Variants in ATF4 observed in about 807,000 individuals in gnomAD.
The protein encoded by ATF4 is activating transcription factor 4.
Under a neutral mutation model 21.0 loss-of-function variants are expected in ATF4, and 8 were observed. The observed-to-expected ratio is 0.38, with a 90% CI of 0.22 to 0.69. ATF4 has a LOEUF of 0.69. ATF4 is among the 30% of genes least tolerant of loss of function. ATF4 has a pLI of 0.49. For synonymous variants in ATF4, 241 were observed against 166.4 expected (o/e 1.45, Z -3.45); for missense variants, 549 against 425.9 (o/e 1.29, Z -2.54).
Position 39,521,395 on chromosome 22 carries a change from A to C in ATF4, c.-51A>C, listed in dbSNP as rs751836565. 2.0e-6 allele frequency: 3 copies of C among 1,476,974 alleles called. No homozygotes were observed. The South Asian group carries it at 4.1e-5, about 20-fold the overall frequency. The allele number at this position is 1,476,974 out of a possible 1,614,324, so 91.5% of individuals were successfully genotyped here. ...AGCAGCAGCGTTGCTGTAACCGACA[A>C]AGACACCTTCGAATTAAGCACATTC... On this transcript the variant is annotated 5_prime_UTR_variant, in exon 2 of 3. Transcript: ENST00000674920.
Position 39,522,203 on chromosome 22 carries a change from T to G in ATF4, c.657T>G (p.Ser219Arg). The change falls in exon 3 of 3, where the codon AGT becomes AGG. Residue 219 changes from serine (S) to arginine (R), a missense_variant. Coordinates refer to ENST00000674920, the MANE Select transcript of ATF4 (RefSeq NM_182810.3). The part of the protein sequence containing the change: ...KEEDTPSDND[S>R]GICMSPESYL... ...AAGACACCCCTTCAGATAATGATAGTGGCATCTGTATGAGCCCAGAGTCCT... is the reference window on the plus strand; with the variant it reads ...AAGACACCCCTTCAGATAATGATAGGGGCATCTGTATGAGCCCAGAGTCCT... The G allele has an allele frequency of 6.2e-7, 1 of 1,611,016 alleles. No homozygotes were observed. The highest frequency in any genetic ancestry group is 8.5e-7 in the Non-Finnish European group (1 of 1,178,028).
chr22:39,522,333 C>A lies in ATF4; in HGVS notation c.787C>A (p.Pro263Thr). 2 of 1,612,670 alleles carry A rather than the reference C, an allele frequency of 1.2e-6. No individual in the cohort carries two copies. Among genetic ancestry groups the A allele is most frequent in the Non-Finnish European group, 1.7e-6 (2 of 1,179,398 alleles). ...CGSARPKPYD[P>T]PGEKMVAAKV... is the part of the protein sequence containing the mutation. ...GTCTGCCCGTCCCAAACCTTACGAT[C>A]CTCCTGGAGAGAAGATGGTAGCAGC... is the stretch of plus-strand genomic sequence containing the variant. Residue 263 changes from proline (P) to threonine (T), a missense_variant, in exon 3 of 3, where the codon CCT becomes ACT. Transcript: ENST00000674920.
In ATF4 at chr22:39,522,311, T is replaced by A; in HGVS notation, c.765T>A (p.Ser255=). Residue 255 remains serine, a synonymous_variant, in exon 3 of 3, where the codon TCT becomes TCA. Transcript: ENST00000674920. Reference sequence around the variant, plus strand: ...CATCTCCAGGTGTTCTCTGTGGGTCTGCCCGTCCCAAACCTTACGATCCTC... The same window carrying A: ...CATCTCCAGGTGTTCTCTGTGGGTCAGCCCGTCCCAAACCTTACGATCCTC... ...SLPSPGVLCG[S]ARPKPYDPPG... The A allele has an allele frequency of 6.2e-7, 1 of 1,612,420 alleles. No homozygotes were observed. Among genetic ancestry groups the A allele is most frequent in the Non-Finnish European group, 8.5e-7 (1 of 1,179,314 alleles).
In ATF4 at chr22:39,522,585, A is replaced by G. The variant is rs760557862; in HGVS notation, c.1039A>G (p.Lys347Glu). 7 of 1,537,326 alleles carry G rather than the reference A, an allele frequency of 4.6e-6. No individual in the cohort carries two copies. The highest frequency in any genetic ancestry group is 5.2e-6 in the Non-Finnish European group (6 of 1,147,272). ...AGAAGAGGTCCGCAAGGCAAGGGGG[A>G]AGAAAAGGGTCCCCTAGTTGAGGAT... ...LIEEVRKARG[K>E]KRVP The change falls in exon 3 of 3, where the codon AAG becomes GAG. Residue 347 changes from lysine to glutamate, a missense_variant. By Grantham distance (56) the Lys-to-Glu change is moderately conservative. Coordinates refer to ENST00000674920, the MANE Select transcript of ATF4 (RefSeq NM_182810.3).
chr22:39,522,272 A>C lies in ATF4; in HGVS notation c.726A>C (p.Pro242=). 12 of 1,607,208 alleles carry C rather than the reference A, an allele frequency of 7.5e-6. No individual in the cohort carries two copies. Among genetic ancestry groups the C allele is most frequent in the Non-Finnish European group, 1.0e-5 (12 of 1,177,208 alleles). Residue 242 remains proline (P), a synonymous_variant, in exon 3 of 3, where the codon CCA becomes CCC. Transcript: ENST00000674920. ...PQHSPSTRGS[P]NRSLPSPGVL... ...ACAGCCCCTCTACCAGGGGCTCTCC[A>C]AATAGGAGCCTCCCATCTCCAGGTG...
rs1172205518 is a variant in ATF4 at position 39,522,536 on chromosome 22, G to T, written c.990G>T (p.Glu330Asp). 3 of 1,594,152 alleles carry T rather than the reference G, an allele frequency of 1.9e-6. No homozygotes were observed. The highest frequency in any genetic ancestry group is 2.6e-6 in the Non-Finnish European group (3 of 1,172,264). The change falls in exon 3 of 3, where the codon GAG becomes GAT. Residue 330 changes from glutamate to aspartate, a missense_variant. Glu to Asp is a conservative substitution (Grantham distance 45, BLOSUM62 2). Coordinates refer to ENST00000674920, the MANE Select transcript of ATF4 (RefSeq NM_182810.3). ...LKERADSLAK[E>D]IQYLKDLIEE... ...AGAGGGCGGATTCCCTGGCCAAGGA[G>T]ATCCAGTACCTGAAAGATTTGATAG...
chr22:39,521,158 C>A (rs530191722), intron 1 of ATF4, 196 bp from the exon 2 acceptor site: 1 of 219,198 alleles, frequency 4.6e-6, no homozygotes, highest in South Asian at 1.4e-4. Flanking sequence ...TCTTGGCGGC[C>A]GGTGGAAGAA....
rs1429272758 is a variant in ATF4, at chr22:39,522,433, G to A, written c.887G>A (p.Arg296His). 1.2e-6 allele frequency: 2 copies of A among 1,613,638 alleles called. No homozygotes were observed. Among genetic ancestry groups the A allele is most frequent in the Non-Finnish European group, 1.7e-6 (2 of 1,179,708 alleles). The change falls in exon 3 of 3, where the codon CGC becomes CAC. Residue 296 changes from arginine (R) to histidine (H), a missense_variant. Transcript: ENST00000674920. ...AACAAGACAGCAGCCACTAGGTACCGCCAGAAGAAGAGGGCGGAGCAGGAG... is the reference window on the plus strand; with the variant it reads ...AACAAGACAGCAGCCACTAGGTACCACCAGAAGAAGAGGGCGGAGCAGGAG... ...EQNKTAATRY[R>H]QKKRAEQEAL... is the part of the protein sequence containing the mutation.
At position 39,521,597 on chromosome 22, in the gene ATF4, G is replaced by C; in HGVS notation, c.152G>C (p.Ser51Thr). ...AKHFKPHGFS[S>T]DKAKAGSSEW... ...CACTTCAAACCTCATGGGTTCTCCA[G>C]CGACAAGGCTAAGGCGGGCTCCTCC... is the stretch of plus-strand genomic sequence containing the variant. Residue 51 changes from serine (S) to threonine (T), a missense_variant, in exon 2 of 3, where the codon AGC becomes ACC. Transcript: ENST00000674920. 1 of 1,614,162 alleles carries C rather than the reference G, an allele frequency of 6.2e-7. No homozygotes were observed. The highest frequency in any genetic ancestry group is 2.2e-5 in the East Asian group (1 of 44,886).
intron 2 of ATF4, 46 bp from the exon 3 acceptor site, chr22:39,521,727 C>A: frequency 6.2e-7 from 1 of 1,609,576 alleles, no homozygotes; most frequent in South Asian, 1.1e-5. Flanking sequence ...GGGCCTCCTA[C>A]CTTTGTATCT....
At position 39,522,036 on chromosome 22, in the gene ATF4, C is replaced by A. The variant is rs757892971; in HGVS notation, c.490C>A (p.Pro164Thr). ...VAPFTFLQPL[P>T]LSPGVLSSTP... Reference sequence around the variant, plus strand: ...CCCCTTCACCTTCTTACAACCTCTTCCCCTTTCCCCAGGGGTCCTGTCCTC... The same window carrying A: ...CCCCTTCACCTTCTTACAACCTCTTACCCTTTCCCCAGGGGTCCTGTCCTC... The change falls in exon 3 of 3, where the codon CCC becomes ACC. Residue 164 changes from proline (P) to threonine (T), a missense_variant. Physicochemically the swap from Pro to Thr is conservative, Grantham distance 38. Transcript: ENST00000674920. The A allele has an allele frequency of 6.2e-7, 1 of 1,613,918 alleles. No homozygotes were observed. The highest frequency in any genetic ancestry group is 8.5e-7 in the Non-Finnish European group (1 of 1,179,848).
At position 39,521,428 on chromosome 22, in the gene ATF4, C is replaced by G. The variant is rs746700301; in HGVS notation, c.-18C>G. 2.0e-6 allele frequency: 3 copies of G among 1,519,046 alleles called. No homozygotes were observed. The Admixed American group carries it at 6.6e-5, about 33-fold the overall frequency. The allele number at this position is 1,519,046 out of a possible 1,614,324, so 94.1% of individuals were successfully genotyped here. Reference sequence around the variant, plus strand: ...TTCGAATTAAGCACATTCCTCGATTCCAGCAAAGCACCGCAACATGACCGA... The same window carrying G: ...TTCGAATTAAGCACATTCCTCGATTGCAGCAAAGCACCGCAACATGACCGA... On this transcript the variant is annotated 5_prime_UTR_variant, in exon 2 of 3. Coordinates refer to ENST00000674920, the MANE Select transcript of ATF4 (RefSeq NM_182810.3).
At chr22:39,521,326 T>G in intron 1 of ATF4, 28 bp from the exon 2 acceptor site, 5 of 813,904 alleles carry the variant, frequency 6.1e-6, no homozygotes, top group Non-Finnish European at 9.8e-6. Flanking sequence ...TAACCTCTAA[T>G]GGGAGTTGGC....
At position 39,521,832 on chromosome 22, in the gene ATF4, T is replaced by G. The variant is rs766100228; in HGVS notation, c.286T>G (p.Leu96Val). The G allele has an allele frequency of 1.9e-6, 3 of 1,614,180 alleles. No homozygotes were observed. Among genetic ancestry groups the G allele is most frequent in the Non-Finnish European group, 2.5e-6 (3 of 1,180,012 alleles). The change falls in exon 3 of 3, where the codon TTG (leucine) becomes GTG (valine). Residue 96 changes from leucine (L) to valine (V), a missense_variant. Coordinates refer to ENST00000674920, the MANE Select transcript of ATF4 (RefSeq NM_182810.3). Reference sequence around the variant, plus strand: ...GAAAATGGATTTGAAGGAGTTCGACTTGGATGCCCTGTTGGGTATAGATGA... The same window carrying G: ...GAAAATGGATTTGAAGGAGTTCGACGTGGATGCCCTGTTGGGTATAGATGA... Reference protein sequence around the residue: ...LEKMDLKEFDLDALLGIDDLE... With the variant: ...LEKMDLKEFDVDALLGIDDLE...
rs779098982 is a variant in ATF4 at position 39,522,477 on chromosome 22, A to G, written c.931A>G (p.Lys311Glu). 4 of 1,613,258 alleles carry G rather than the reference A, an allele frequency of 2.5e-6. No homozygotes were observed. Among genetic ancestry groups the G allele is most frequent in the Non-Finnish European group, 3.4e-6 (4 of 1,179,726 alleles). Reference protein sequence around the residue: ...AEQEALTGECKELEKKNEALK... With the variant: ...AEQEALTGECEELEKKNEALK... ...GCAGGAGGCTCTTACTGGTGAGTGCAAAGAGCTGGAAAAGAAGAACGAGGC... is the reference window on the plus strand; with the variant it reads ...GCAGGAGGCTCTTACTGGTGAGTGCGAAGAGCTGGAAAAGAAGAACGAGGC... The change falls in exon 3 of 3, where the codon AAA (lysine) becomes GAA (glutamate). Residue 311 changes from lysine to glutamate, a missense_variant. Coordinates refer to ENST00000674920, the MANE Select transcript of ATF4 (RefSeq NM_182810.3).
rs771492320 is a variant in ATF4, at chr22:39,522,262, G to T, written c.716G>T (p.Arg239Met). The T allele has an allele frequency of 6.2e-7, 1 of 1,607,522 alleles. No individual in the cohort carries two copies. The highest frequency in any genetic ancestry group is 8.5e-7 in the Non-Finnish European group (1 of 1,177,160). Residue 239 changes from arginine to methionine, a missense_variant, in exon 3 of 3, where the codon AGG becomes ATG. Coordinates refer to ENST00000674920, the MANE Select transcript of ATF4 (RefSeq NM_182810.3). ...LGSPQHSPST[R>M]GSPNRSLPSP... is the part of the protein sequence containing the mutation. ...TCTCCTCAGCACAGCCCCTCTACCA[G>T]GGGCTCTCCAAATAGGAGCCTCCCA...
intron 1 of ATF4, 115 bp downstream of exon 1, chr22:39,520,866 G>C (rs1930894679): frequency 6.5e-6 from 1 of 152,978 alleles, no homozygotes. Flanking sequence ...GATTTAACGA[G>C]CGCCCGGGAC....
At position 39,522,389 on chromosome 22, in the gene ATF4, G is replaced by A. The variant is rs1931022581; in HGVS notation, c.843G>A (p.Lys281=). 1.2e-6 allele frequency: 2 copies of A among 1,612,640 alleles called. No individual in the cohort carries two copies. The highest frequency in any genetic ancestry group is 2.2e-5 in the East Asian group (1 of 44,868). ...TAAAGGGTGAGAAACTGGATAAGAA[G>A]CTGAAAAAAATGGAGCAAAACAAGA... ...AKVKGEKLDK[K]LKKMEQNKTA... is the part of the protein sequence containing the mutation. The change falls in exon 3 of 3, where the codon AAG becomes AAA. Residue 281 remains lysine (K), a synonymous_variant. Coordinates refer to ENST00000674920, the MANE Select transcript of ATF4 (RefSeq NM_182810.3).
rs530548939 is a variant in ATF4, at chr22:39,521,151, TGGC to T, written c.-92-199_-92-197del. ...ACGTGGGGACGGAGCGCTTTCCTCTTGGCGGCCGGTGGAAGAATCCCCTGGTCT... is the reference window on the plus strand; with the variant it reads ...ACGTGGGGACGGAGCGCTTTCCTCTTGGCCGGTGGAAGAATCCCCTGGTCT... On this transcript the variant is annotated intron_variant, in intron 1 of 2. Transcript: ENST00000674920. The T allele has an allele frequency of 4.8e-3, 1,011 of 210,602 alleles. 13 individuals carry two copies. The highest frequency in any genetic ancestry group is 0.021 in the African/African-American group (933 of 43,508). 13.0% of individuals were successfully genotyped at this position (210,602 alleles called of 1,614,324 possible).
Sources: gnomAD v4.1 joint callset for allele counts on GRCh38, gnomAD v4.1.1 for gene constraint, MANE v1.5 for transcripts, NCBI Gene and HGNC (gene_info 2026-07-23, HGNC 2026-07-21) for gene names.